Variants in SMTN observed in about 807,000 individuals in gnomAD.
SMTN encodes the protein smoothelin.
Under a neutral mutation model 102.0 loss-of-function variants are expected in SMTN, and 58 were observed. The observed-to-expected ratio is 0.57, with a 90% CI of 0.46 to 0.71. SMTN has a LOEUF of 0.71. SMTN is among the 30% of genes least tolerant of loss of function. The pLI, the probability that SMTN is intolerant of heterozygous loss-of-function variation, is 0.00. For missense variants in SMTN, 1,185 were observed against 1,241.7 expected (o/e 0.95, Z 0.69); for synonymous variants, 478 against 497.9 (o/e 0.96, Z 0.53).
At chr22:31,092,707 G>T (rs1238372888) in intron 11 of SMTN, among the ~76,000 whole-genome samples, 1 of 152,200 alleles carries the variant, frequency 6.6e-6, no homozygotes, top group Non-Finnish European at 1.5e-5. Flanking sequence ...GTGGGGTGGG[G>T]TGGGGGGACC....
chr22:31,088,088 C>G lies in SMTN; in HGVS notation c.175C>G (p.Gln59Glu). 1 of 1,606,884 alleles carries G rather than the reference C, an allele frequency of 6.2e-7. No individual in the cohort carries two copies. Among genetic ancestry groups the G allele is most frequent in the East Asian group, 2.2e-5 (1 of 44,726 alleles). Residue 59 changes from glutamine (Q) to glutamate (E), a missense_variant, in exon 3 of 21, where the codon CAG (glutamine) becomes GAG (glutamate). Transcript: ENST00000333137. ...ATCCAAGCGTTTCCGTGCCGAGCGG[C>G]AGGACAACAAGGAGAACTGGCTGCA... ...LASKRFRAER[Q>E]DNKENWLHSQ...
chr22:31,096,922 C>T (rs945574733), intron 14 of SMTN, 25 bp downstream of exon 14: 2 of 1,610,028 alleles, frequency 1.2e-6, no homozygotes, highest in Admixed American at 3.3e-5. Flanking sequence ...GGGGCCGGCC[C>T]AGGGCTCAGG....
chr22:31,090,672 T>C, intron 8 of SMTN, 136 bp from the exon 9 acceptor site: 1 of 733,214 alleles, frequency 1.4e-6, no homozygotes, highest in East Asian at 2.5e-5. Context: ...GATGGAGAGG[T>C]GGGGTGGGGG....
At chr22:31,085,875 C>T (rs1246784503) in intron 2 of SMTN, among the ~76,000 whole-genome samples, 7 of 152,348 alleles carry the variant, frequency 4.6e-5, no homozygotes, top group East Asian at 1.9e-4. Flanking sequence ...GACACTGAAG[C>T]TCCGGGGGTT....
rs202175530 is a variant in SMTN at position 31,096,887 on chromosome 22, C to G, written c.2016C>G (p.Leu672=). The G allele has an allele frequency of 6.3e-7, 1 of 1,589,924 alleles. No individual in the cohort carries two copies. Among genetic ancestry groups the G allele is most frequent in the East Asian group, 2.2e-5 (1 of 44,584 alleles). The change falls in exon 14 of 21, where the codon CTC becomes CTG. Residue 672 remains leucine (L), a synonymous_variant. Coordinates refer to ENST00000333137, the MANE Select transcript of SMTN (RefSeq NM_134269.3). ...GCACTGTTACCAAGACTGAGCGGCT[C>G]GTCCACTCCAGTAAGGGGCCAAATG... ...AVSTVTKTER[L]VHSNDGTRTA...
At chr22:31,096,645 C>T (rs367750047) in intron 13 of SMTN, 88 bp from the exon 14 acceptor site, 1 of 1,397,108 alleles carries the variant, frequency 7.2e-7, no homozygotes. Context: ...ACCCTCCACC[C>T]CGTCTTGTGT....
chr22:31,069,528 A>C (rs1300380741), intron 1 of SMTN, among the ~76,000 whole-genome samples: 1 of 152,210 alleles, frequency 6.6e-6, no homozygotes, highest in Non-Finnish European at 1.5e-5. Context: ...CAACAAGTCT[A>C]TGGGCAAGAC....
intron 3 of SMTN, 113 bp from the exon 4 acceptor site, chr22:31,088,400 C>A: frequency 1.1e-6 from 1 of 944,872 alleles, no homozygotes; most frequent in Admixed American, 2.0e-5. Flanking sequence ...GTGTGCACAG[C>A]CACATGCCCT....
At chr22:31,097,129 C>T in intron 15 of SMTN, 69 bp downstream of exon 15, 1 of 1,537,048 alleles carries the variant, frequency 6.5e-7, no homozygotes, top group Non-Finnish European at 9.0e-7. Flanking sequence ...CTTCCTTGAG[C>T]TCTCTCTCCG....
intron 1 of SMTN, among the ~76,000 whole-genome samples, chr22:31,068,566 C>G (rs2041920867): frequency 6.6e-6 from 1 of 152,136 alleles, no homozygotes; most frequent in Non-Finnish European, 1.5e-5. Context: ...CTTACTGGCT[C>G]CCACCCATGC....
At chr22:31,094,171 C>T (rs2043377125) in intron 11 of SMTN, among the ~76,000 whole-genome samples, 1 of 152,250 alleles carries the variant, frequency 6.6e-6, no homozygotes, top group Admixed American at 6.5e-5. Context: ...GCTCTCCTTA[C>T]CCTTATAGCA....
Position 31,091,258 on chromosome 22 carries a change from A to AG in SMTN, c.1237dup (p.Glu413GlyfsTer12). On this transcript the variant is annotated frameshift_variant, in exon 10 of 21. Coordinates refer to ENST00000333137, the MANE Select transcript of SMTN (RefSeq NM_134269.3). LOFTEE classifies it high-confidence loss of function. Reference sequence around the variant, plus strand: ...CTGGCCCAGCTTCGAAGCTGCCCCCAGGAGGAGGGCCCCAGGGGGCGGGGC... The same window carrying AG: ...CTGGCCCAGCTTCGAAGCTGCCCCCAGGGAGGAGGGCCCCAGGGGGCGGGGC... The AG allele has an allele frequency of 6.2e-7, 1 of 1,602,790 alleles. No homozygotes were observed.
chr22:31,071,512 C>T (rs1326640183), intron 1 of SMTN, among the ~76,000 whole-genome samples: 1 of 151,476 alleles, frequency 6.6e-6, no homozygotes, highest in African/African-American at 2.4e-5. Context: ...GTGGCATGCA[C>T]CGGCTGAGGT....
intron 2 of SMTN, among the ~76,000 whole-genome samples, chr22:31,086,928 C>CG (rs987249882): frequency 2.7e-4 from 41 of 152,174 alleles, no homozygotes; most frequent in South Asian, 8.3e-4. Context: ...AAAGGAATGA[C>CG]GGGGGGGCGC....
chr22:31,088,512 G>A lies in SMTN; in HGVS notation c.201-1G>A, dbSNP rs749234374. 1.9e-6 allele frequency: 3 copies of A among 1,613,202 alleles called. No individual in the cohort carries two copies. In the South Asian group the frequency reaches 3.3e-5, roughly 18 times the overall value. ...TGGTTACAGTCATGATGTCTCTGCA[G>A]CTCTCAGCAGCGGGAAGCTGAGCAG... is the stretch of plus-strand genomic sequence containing the variant. On this transcript the variant is annotated splice_acceptor_variant, in intron 3 of 20. Coordinates refer to ENST00000333137, the MANE Select transcript of SMTN (RefSeq NM_134269.3). LOFTEE classifies it high-confidence loss of function.
chr22:31,074,590 G>T (rs1487362326), intron 1 of SMTN, among the ~76,000 whole-genome samples: 1 of 152,140 alleles, frequency 6.6e-6, no homozygotes, highest in Non-Finnish European at 1.5e-5. Flanking sequence ...AGGAGTTCAA[G>T]ACTAGCCTGG....
At chr22:31,093,496 G>T in intron 11 of SMTN, 4 of 654,218 alleles carry the variant, frequency 6.1e-6, no homozygotes, top group Middle Eastern at 3.8e-4. Flanking sequence ...AGCCCTTGAG[G>T]AGCAGTTGGG....
chr22:31,098,474 AC>A (rs1368333550), intron 16 of SMTN, among the ~76,000 whole-genome samples, 192 bp from the exon 17 acceptor site: 1 of 151,702 alleles, frequency 6.6e-6, no homozygotes, highest in African/African-American at 2.4e-5. Flanking sequence ...CCTGTTGAAA[AC>A]CTTGCTGTCA....
chr22:31,073,032 T>TTTTTTTG (rs869214569), intron 1 of SMTN, among the ~76,000 whole-genome samples: 1 of 110,600 alleles, frequency 9.0e-6, no homozygotes, highest in African/African-American at 3.1e-5. Flanking sequence ...TTTTTTTTTT[T>TTTTTTTG]GAGACAGGGT....
Sources: allele counts gnomAD v4.1 joint callset (sites outside exome capture counted in the v4.1 genomes callset), GRCh38; gene constraint gnomAD v4.1.1; transcripts MANE v1.5; gene names NCBI Gene and HGNC (gene_info 2026-07-23, HGNC 2026-07-21).